MPPED2: variants seen among roughly 807,000 people sequenced by gnomAD.
MPPED2 encodes metallophosphoesterase MPPED2.
In MPPED2, 5 loss-of-function variants were observed where a neutral mutation model predicts 33.0. That is an observed-to-expected ratio of 0.15 (90% CI 0.08 to 0.32). MPPED2 has a LOEUF of 0.32. Ranked by LOEUF, MPPED2 falls within the 10% of genes least tolerant of loss-of-function variation. The pLI, the probability that MPPED2 is intolerant of heterozygous loss-of-function variation, is 1.00. For synonymous variants in MPPED2, 136 were observed against 141.9 expected (o/e 0.96, Z 0.29); for missense variants, 275 against 372.1 (o/e 0.74, Z 2.15).
At position 30,580,148 on chromosome 11, in the gene MPPED2, T is replaced by G; in HGVS notation, c.128+98A>C. ...CATCTGATTTGTAAATCATTTACCT[T>G]TTAGTCTCCCTAGCAGAAGTTAATA... is the stretch of plus-strand genomic sequence containing the variant. On this transcript the variant is annotated intron_variant, in intron 2 of 6. Coordinates refer to ENST00000358117, the MANE Select transcript of MPPED2 (RefSeq NM_001584.3). 3.3e-6 allele frequency: 4 copies of G among 1,215,248 alleles called. No homozygotes were observed. In the East Asian group the frequency reaches 9.5e-5, roughly 29 times the overall value. 75.3% of individuals were successfully genotyped at this position (1,215,248 alleles called of 1,614,324 possible).
intron 4 of MPPED2, among the ~76,000 whole-genome samples, chr11:30,447,083 T>C (rs917461517): frequency 2.6e-5 from 4 of 152,214 alleles, no homozygotes; most frequent in Non-Finnish European, 5.9e-5. Context: ...CTCTATGAAC[T>C]GGGCTGCATA....
intron 4 of MPPED2, among the ~76,000 whole-genome samples, chr11:30,438,827 T>C (rs892182865): frequency 5.3e-5 from 8 of 152,220 alleles, no homozygotes; most frequent in African/African-American, 1.9e-4. Context: ...CAGACTTAAG[T>C]GAATCATCTG....
downstream of MPPED2, among the ~76,000 whole-genome samples, chr11:30,408,557 G>A (rs554523286): frequency 1.9e-4 from 29 of 152,172 alleles, no homozygotes; most frequent in South Asian, 8.3e-4. Flanking sequence ...TGATCCGCCC[G>A]CCTCAGCCTC....
chr11:30,473,096 A>G lies in MPPED2; in HGVS notation c.536+22200T>C, dbSNP rs552302155. Among the ~76,000 whole-genome samples the G allele has an allele frequency of 4.3e-4, 66 of 152,322 alleles. 1 individual carries two copies. The highest frequency in any genetic ancestry group is 7.5e-4 in the Non-Finnish European group (51 of 68,028). On this transcript the variant is annotated intron_variant, in intron 4 of 6. Transcript: ENST00000358117. ...TTAAAAGCCACTGTTCCAAAAAAGT[A>G]TCTTTAGCAGCTACATGGTATTCTA...
At chr11:30,536,467 T>C (rs528343082) in intron 2 of MPPED2, among the ~76,000 whole-genome samples, 9 of 152,318 alleles carry the variant, frequency 5.9e-5, no homozygotes, top group South Asian at 2.1e-4. Context: ...GAGTGATTAA[T>C]GGTGAAGTTT....
intron 6 of MPPED2, among the ~76,000 whole-genome samples, chr11:30,399,447 TC>T (rs1382573739): frequency 6.6e-6 from 1 of 152,236 alleles, no homozygotes; most frequent in African/African-American, 2.4e-5. Flanking sequence ...TTTCTTCTAA[TC>T]CTTTAAATTG....
chr11:30,566,085 G>A (rs1359168749), intron 2 of MPPED2, among the ~76,000 whole-genome samples: 8 of 151,976 alleles, frequency 5.3e-5, no homozygotes, highest in African/African-American at 1.7e-4. Context: ...TATTCAAAAC[G>A]CATGATTCCC....
intron 4 of MPPED2, among the ~76,000 whole-genome samples, chr11:30,458,914 C>CTT (rs71060450): frequency 0.032 from 2,057 of 64,566 alleles, 512 homozygotes; most frequent in Non-Finnish European, 0.044. Flanking sequence ...TTGCACAGTT[C>CTT]TTTTTTTTTT....
At chr11:30,523,603 C>T (rs1379435864) in intron 3 of MPPED2, among the ~76,000 whole-genome samples, 1 of 151,384 alleles carries the variant, frequency 6.6e-6, no homozygotes, top group Non-Finnish European at 1.5e-5. Flanking sequence ...GGGGCTGAAG[C>T]CCAGGGAAGC....
intron 4 of MPPED2, among the ~76,000 whole-genome samples, chr11:30,486,583 G>A (rs908210200): frequency 1.4e-4 from 22 of 152,144 alleles, no homozygotes; most frequent in Admixed American, 4.6e-4. Flanking sequence ...CTCACAGTAC[G>A]GGAATAAGGT....
chr11:30,459,973 G>A (rs191215414), intron 4 of MPPED2, among the ~76,000 whole-genome samples: 46 of 152,270 alleles, frequency 3.0e-4, no homozygotes, highest in Middle Eastern at 3.4e-3. Flanking sequence ...TCAGCCTGGC[G>A]TCTGCTTCAC....
exon 7 of MPPED2, chr11:30,385,077 T>C (rs1250249322): frequency 2.0e-5 from 3 of 152,326 alleles, no homozygotes; most frequent in African/African-American, 7.2e-5. Flanking sequence ...GTGAATTTGT[T>C]AAAGTCAAAT....
Position 30,513,580 on chromosome 11 carries a change from CT to C in MPPED2, c.311-18060del, listed in dbSNP as rs574758748. ...TAGATGGATAAGACAGAAGGTTAAA[CT>C]GCTCCAAACAGCCATGAAACATAAC... On this transcript the variant is annotated intron_variant, in intron 3 of 6. Coordinates refer to ENST00000358117, the MANE Select transcript of MPPED2 (RefSeq NM_001584.3). Among the ~76,000 whole-genome samples the C allele has an allele frequency of 9.2e-5, 14 of 152,302 alleles. 1 individual carries two copies. Among genetic ancestry groups the C allele is most frequent in the African/African-American group, 3.4e-4 (14 of 41,564 alleles).
At chr11:30,568,586 C>T (rs529689938) in intron 2 of MPPED2, among the ~76,000 whole-genome samples, 1 of 152,250 alleles carries the variant, frequency 6.6e-6, no homozygotes, top group South Asian at 2.1e-4. Flanking sequence ...AAATAAACCC[C>T]TCATAAAGAC....
At chr11:30,404,032 T>C (rs1425348704) in intron 6 of MPPED2, among the ~76,000 whole-genome samples, 2 of 152,230 alleles carry the variant, frequency 1.3e-5, no homozygotes, top group African/African-American at 4.8e-5. Flanking sequence ...CTGGTTTTCA[T>C]TTCTCATCAT....
intron 2 of MPPED2, among the ~76,000 whole-genome samples, chr11:30,568,901 CA>C: frequency 6.6e-6 from 1 of 152,274 alleles, no homozygotes; most frequent in South Asian, 2.1e-4. Context: ...TCCCTAAAAC[CA>C]GCTCCCAAAA....
At chr11:30,441,946 C>T (rs1949590967) in intron 4 of MPPED2, among the ~76,000 whole-genome samples, 1 of 152,172 alleles carries the variant, frequency 6.6e-6, no homozygotes, top group Non-Finnish European at 1.5e-5. Context: ...TCTTGTTTAC[C>T]ACTGTATCCT....
chr11:30,449,504 T>A (rs768371879), intron 4 of MPPED2, among the ~76,000 whole-genome samples: 7 of 147,470 alleles, frequency 4.7e-5, no homozygotes, highest in Non-Finnish European at 8.8e-5. Flanking sequence ...AAAATTAGGG[T>A]GTGGTGGCGT....
At chr11:30,387,540 C>T (rs1377454083) in exon 7 of MPPED2, 1 of 152,096 alleles carries the variant, frequency 6.6e-6, no homozygotes, top group Non-Finnish European at 1.5e-5. Context: ...AGACACCATC[C>T]CATGCTCTGC....
Sources: gnomAD v4.1 joint callset for allele counts (sites outside exome capture counted in the v4.1 genomes callset) on GRCh38, gnomAD v4.1.1 for gene constraint, MANE v1.5 for transcripts, NCBI Gene and HGNC (gene_info 2026-07-23, HGNC 2026-07-21) for gene names.